The following PIP5K1B variants were observed in gnomAD, a reference collection of about 807,000 sequenced individuals.
PIP5K1B encodes phosphatidylinositol-4-phosphate 5-kinase type 1 beta, also known as phosphatidylinositol 4-phosphate 5-kinase type-1 beta.
In PIP5K1B, 42 loss-of-function variants were observed where a neutral mutation model predicts 67.0. The observed-to-expected ratio is 0.63, with a 90% confidence interval of 0.49 to 0.81. The LOEUF is 0.81. PIP5K1B is among the 30% of genes least tolerant of loss of function. PIP5K1B has a pLI of 0.00. For synonymous variants in PIP5K1B, 214 were observed against 231.4 expected (o/e 0.92, Z 0.68); for missense variants, 459 against 646.3 (o/e 0.71, Z 3.14).
chr9:68,909,431 A>G (rs548990536), intron 8 of PIP5K1B, among the ~76,000 whole-genome samples: 1 of 152,196 alleles, frequency 6.6e-6, no homozygotes, highest in African/African-American at 2.4e-5. Flanking sequence ...CTACAATACC[A>G]TTATAATGGA....
At chr9:68,786,053 C>T (rs1272681548) in intron 2 of PIP5K1B, 1 of 152,168 alleles carries the variant, frequency 6.6e-6, no homozygotes, top group Non-Finnish European at 1.5e-5. Flanking sequence ...AAATACTGAT[C>T]CTTCTCTAAT....
intron 7 of PIP5K1B, among the ~76,000 whole-genome samples, chr9:68,893,377 C>T (rs1157321491): frequency 1.4e-5 from 2 of 147,650 alleles, no homozygotes; most frequent in African/African-American, 2.5e-5. Flanking sequence ...TCTGTCACCC[C>T]GGCTGGAGTG....
chr9:68,939,993 C>T (rs1434215787), intron 13 of PIP5K1B, among the ~76,000 whole-genome samples: 1 of 152,154 alleles, frequency 6.6e-6, no homozygotes, highest in Non-Finnish European at 1.5e-5. Flanking sequence ...CCTCTTTCCT[C>T]ACAAGGATGG....
At chr9:68,788,933 C>A in intron 2 of PIP5K1B, 4 of 306,140 alleles carry the variant, frequency 1.3e-5, no homozygotes, top group Non-Finnish European at 2.5e-5. Flanking sequence ...AAAGGATATG[C>A]TCAGATTTCC....
At chr9:68,828,312 G>T (rs1218889596) in intron 4 of PIP5K1B, among the ~76,000 whole-genome samples, 2 of 152,244 alleles carry the variant, frequency 1.3e-5, no homozygotes, top group Non-Finnish European at 2.9e-5. Context: ...CCACCTGCCT[G>T]TGGCACCGAG....
At chr9:68,712,320 G>A (rs961455477) in intron 1 of PIP5K1B, among the ~76,000 whole-genome samples, 2 of 152,138 alleles carry the variant, frequency 1.3e-5, no homozygotes, top group African/African-American at 2.4e-5. Context: ...CCTTATGTAC[G>A]GCTTGCAGAA....
intron 15 of PIP5K1B, among the ~76,000 whole-genome samples, chr9:68,991,981 G>A (rs545078901): frequency 2.0e-5 from 3 of 152,102 alleles, no homozygotes; most frequent in Admixed American, 6.6e-5. Context: ...TTTTTTTGGG[G>A]GGGGGCAGAG....
In PIP5K1B at chr9:68,779,327, CCT is replaced by C. The variant is rs570833443; in HGVS notation, c.-86+36673_-86+36674del. 4.2e-3 allele frequency among the ~76,000 whole-genome samples: 636 copies of C among 152,280 alleles called. 2 individuals are homozygous for C. The highest frequency in any genetic ancestry group is 0.02 in the Middle Eastern group (6 of 294). On this transcript the variant is annotated intron_variant, in intron 2 of 15. Transcript: ENST00000265382. ...GACTGTAAATCAATAGCAATACCAT[CCT>C]CTGTTTTGGCTTCTTCCCCTAACCT... is the stretch of plus-strand genomic sequence containing the variant.
rs777501888 is a variant in PIP5K1B at position 68,858,298 on chromosome 9, C to G, written c.70-5539C>G. Reference sequence around the variant, plus strand: ...CCTCTCTTGCTGTTGACAGGTGATACTGAACCATTTCTTTATGGCCTAGTC... The same window carrying G: ...CCTCTCTTGCTGTTGACAGGTGATAGTGAACCATTTCTTTATGGCCTAGTC... On this transcript the variant is annotated intron_variant, in intron 4 of 15. Transcript: ENST00000265382. Among the ~76,000 whole-genome samples the G allele has an allele frequency of 1.3e-3, 201 of 152,168 alleles. 6 individuals carry two copies. The highest frequency in any genetic ancestry group is 1.7e-3 in the South Asian group (8 of 4,822).
chr9:68,934,977 A>G lies in PIP5K1B; in HGVS notation c.1289A>G (p.Gln430Arg). ...TSQEIVSSIS[Q>R]EWKDEKRDLL... ...CAGGAGATTGTGTCCTCAATTAGCC[A>G]GGAATGGAAGGATGAGAAGCGGGAT... Residue 430 changes from glutamine (Q) to arginine (R), a missense_variant, in exon 13 of 16, where the codon CAG becomes CGG. Physicochemically the swap from Gln to Arg is conservative, Grantham distance 43. Coordinates refer to ENST00000265382, the MANE Select transcript of PIP5K1B (RefSeq NM_003558.4). The G allele has an allele frequency of 6.2e-7, 1 of 1,613,782 alleles. No individual in the cohort carries two copies. Among genetic ancestry groups the G allele is most frequent in the Non-Finnish European group, 8.5e-7 (1 of 1,179,744 alleles).
At position 69,008,605 on chromosome 9, in the gene PIP5K1B, T is replaced by C. The variant is rs144130738; in HGVS notation, c.*156T>C. ...ACTTAAGAGTTTTCAAGATGTCAAC[T>C]TCAGGCTGATCAGCAGATGGGATGT... On this transcript the variant is annotated 3_prime_UTR_variant, in exon 16 of 16. Transcript: ENST00000265382. 2.7e-6 allele frequency: 2 copies of C among 727,524 alleles called. No homozygotes were observed. Among genetic ancestry groups the C allele is most frequent in the East Asian group, 5.3e-5 (2 of 37,774 alleles). 45.1% of individuals were successfully genotyped at this position (727,524 alleles called of 1,614,324 possible).
chr9:68,875,319 A>C lies in PIP5K1B; in HGVS notation c.201-1358A>C, dbSNP rs945316688. Among the ~76,000 whole-genome samples, 38 of 150,708 alleles carry C rather than the reference A, an allele frequency of 2.5e-4. 1 individual carries two copies. Among genetic ancestry groups the C allele is most frequent in the African/African-American group, 9.0e-4 (37 of 41,248 alleles). ...GCAAAAAAAAAAAAAAAAAAAAAAA[A>C]AAAAAAACAGTCATCTGTAATCGTG... On this transcript the variant is annotated intron_variant, in intron 5 of 15. Coordinates refer to ENST00000265382, the MANE Select transcript of PIP5K1B (RefSeq NM_003558.4).
At chr9:68,988,463 T>A (rs1830196851) in intron 14 of PIP5K1B, among the ~76,000 whole-genome samples, 1 of 131,176 alleles carries the variant, frequency 7.6e-6, no homozygotes, top group African/African-American at 2.9e-5. Context: ...TTTTTTTTTT[T>A]TTTTGAGATG....
At chr9:68,993,441 C>T (rs1347620580) in intron 15 of PIP5K1B, among the ~76,000 whole-genome samples, 1 of 152,148 alleles carries the variant, frequency 6.6e-6, no homozygotes, top group African/African-American at 2.4e-5. Flanking sequence ...CCGCCCCCTA[C>T]GTAAAACAGC....
intron 1 of PIP5K1B, among the ~76,000 whole-genome samples, chr9:68,713,529 C>T (rs1209005955): frequency 6.6e-6 from 1 of 152,180 alleles, no homozygotes; most frequent in Non-Finnish European, 1.5e-5. Flanking sequence ...TATAAGCCTC[C>T]TGAAGTGTTC....
chr9:68,774,722 T>G (rs1052102871), intron 2 of PIP5K1B, among the ~76,000 whole-genome samples: 3 of 152,170 alleles, frequency 2.0e-5, no homozygotes, highest in African/African-American at 7.2e-5. Context: ...AGACCCCCAG[T>G]GGATGCCTGA....
intron 1 of PIP5K1B, among the ~76,000 whole-genome samples, chr9:68,727,064 G>A (rs939208375): frequency 6.6e-6 from 1 of 152,002 alleles, no homozygotes; most frequent in Non-Finnish European, 1.5e-5. Flanking sequence ...CAGAACAGGT[G>A]TTGGCGAAAA....
chr9:68,768,416 A>G (rs1047844875), intron 2 of PIP5K1B, among the ~76,000 whole-genome samples: 4 of 152,214 alleles, frequency 2.6e-5, no homozygotes, highest in African/African-American at 9.6e-5. Context: ...AGCCAGAGAC[A>G]GAAGTTGGGT....
intron 3 of PIP5K1B, among the ~76,000 whole-genome samples, chr9:68,819,970 C>A (rs1833650926): frequency 6.6e-6 from 1 of 152,198 alleles, no homozygotes. Flanking sequence ...TCCCTACTGT[C>A]AAGTCAGGGA....
Sources: gnomAD v4.1 joint callset for allele counts (sites outside exome capture counted in the v4.1 genomes callset) on GRCh38, gnomAD v4.1.1 for gene constraint, MANE v1.5 for transcripts, NCBI Gene and HGNC (gene_info 2026-07-23, HGNC 2026-07-21) for gene names.